The following EML1 variants were observed in gnomAD, a reference collection of about 807,000 sequenced individuals.
EML1 encodes the protein EMAP like 1.
A neutral mutation model predicts 110.4 loss-of-function variants in EML1; 27 were observed. That is an observed-to-expected ratio of 0.24 (90% CI 0.18 to 0.34). The LOEUF is 0.34. EML1 is among the 10% of genes least tolerant of loss of function. The pLI is 1.00. For missense variants in EML1, 741 were observed against 1,030.9 expected (o/e 0.72, Z 3.85); for synonymous variants, 344 against 385.8 (o/e 0.89, Z 1.27).
At chr14:99,816,392 A>G (rs573807472) in intron 1 of EML1, among the ~76,000 whole-genome samples, 1 of 152,320 alleles carries the variant, frequency 6.6e-6, no homozygotes, top group East Asian at 1.9e-4. Flanking sequence ...TGATCTCCTA[A>G]CCTCAGGTGA....
In EML1 at chr14:99,940,399, T is replaced by G; in HGVS notation, c.*287T>G. 4.1e-6 allele frequency: 1 copy of G among 241,282 alleles called. No individual in the cohort carries two copies. The highest frequency in any genetic ancestry group is 7.8e-6 in the Non-Finnish European group (1 of 127,416). The allele number at this position is 241,282 out of a possible 1,614,324, so 14.9% of individuals were successfully genotyped here. A position where few individuals can be genotyped will look rare whatever the true frequency, so the allele number is the denominator to read the frequency against. Reference sequence around the variant, plus strand: ...ACAGAAGTAACTGGTATATTCTTAGTAACTTTTCTATGAACTCTTCAAAAA... The same window carrying G: ...ACAGAAGTAACTGGTATATTCTTAGGAACTTTTCTATGAACTCTTCAAAAA... On this transcript the variant is annotated 3_prime_UTR_variant, in exon 22 of 22. Coordinates refer to ENST00000262233, the MANE Select transcript of EML1 (RefSeq NM_004434.3).
At chr14:99,838,560 A>G (rs2058576237) in intron 1 of EML1, among the ~76,000 whole-genome samples, 1 of 151,344 alleles carries the variant, frequency 6.6e-6, no homozygotes, top group Non-Finnish European at 1.5e-5. Flanking sequence ...CATAATTTTA[A>G]TCTTTCCTTT....
intron 1 of EML1, among the ~76,000 whole-genome samples, chr14:99,799,983 C>A (rs2057845369): frequency 6.6e-6 from 1 of 152,286 alleles, no homozygotes; most frequent in Non-Finnish European, 1.5e-5. Flanking sequence ...ACAAAAATTT[C>A]TTTCAGGAAC....
intron 17 of EML1, among the ~76,000 whole-genome samples, chr14:99,932,396 G>C (rs923087014): frequency 2.6e-5 from 4 of 152,116 alleles, no homozygotes; most frequent in African/African-American, 9.7e-5. Flanking sequence ...CCAGCACTTT[G>C]GGAGGCCGAG....
intron 1 of EML1, among the ~76,000 whole-genome samples, chr14:99,830,890 C>T (rs190589757): frequency 3.3e-5 from 5 of 152,222 alleles, no homozygotes; most frequent in African/African-American, 4.8e-5. Context: ...ATCAGACTGC[C>T]GATAATGTAG....
intron 17 of EML1, among the ~76,000 whole-genome samples, chr14:99,935,458 C>G (rs1239662793): frequency 6.6e-6 from 1 of 150,968 alleles, no homozygotes; most frequent in Admixed American, 6.6e-5. Context: ...AAGCAAAACC[C>G]TGTCTCAAAA....
intron 1 of EML1, among the ~76,000 whole-genome samples, chr14:99,760,727 T>C (rs1040168077): frequency 6.6e-6 from 1 of 152,004 alleles, no homozygotes; most frequent in Admixed American, 6.6e-5. Flanking sequence ...TTAATCTCAG[T>C]CTCGTCAAGT....
At chr14:99,887,759 G>A (rs148847066) in intron 4 of EML1, among the ~76,000 whole-genome samples, 48 of 152,346 alleles carry the variant, frequency 3.2e-4, no homozygotes, top group African/African-American at 1.1e-3. Context: ...TTGAGTGGCT[G>A]TGCGTTCTGG....
At chr14:99,775,792 A>G (rs2057475540) in intron 1 of EML1, among the ~76,000 whole-genome samples, 1 of 152,218 alleles carries the variant, frequency 6.6e-6, no homozygotes, top group Non-Finnish European at 1.5e-5. Context: ...CATATAACTT[A>G]TTAGCCTCTC....
At chr14:99,867,343 G>GT (rs1240053627) in intron 3 of EML1, among the ~76,000 whole-genome samples, 1 of 152,018 alleles carries the variant, frequency 6.6e-6, no homozygotes, top group Non-Finnish European at 1.5e-5. Context: ...TTTTAGGATA[G>GT]TTTTTTTCTA....
chr14:99,935,922 A>C, intron 17 of EML1, 107 bp from the exon 18 acceptor site: 1 of 1,011,886 alleles, frequency 9.9e-7, no homozygotes, highest in Non-Finnish European at 1.5e-6. Flanking sequence ...ATAATTCATT[A>C]ATCTGGTGAT....
At position 99,755,989 on chromosome 14, in the gene EML1, G is replaced by A. The variant is rs557284652; in HGVS notation, c.28+18129G>A. Among the ~76,000 whole-genome samples, 6 of 152,352 alleles carry A rather than the reference G, an allele frequency of 3.9e-5. No homozygotes were observed. The South Asian group carries it at 1.2e-3, about 32-fold the overall frequency. On this transcript the variant is annotated intron_variant, in intron 1 of 10. Coordinates refer to the EML1 transcript ENST00000554479. ...GGGTCCCCTGCCGGCAAGTGGCAGAGTGTAGCTCCCATGGCCACACGTGTG... is the reference window on the plus strand; with the variant it reads ...GGGTCCCCTGCCGGCAAGTGGCAGAATGTAGCTCCCATGGCCACACGTGTG...
intron 1 of EML1, among the ~76,000 whole-genome samples, chr14:99,807,308 T>C (rs1295589279): frequency 6.6e-6 from 1 of 152,236 alleles, no homozygotes; most frequent in Non-Finnish European, 1.5e-5. Flanking sequence ...AATGACTGTG[T>C]GAACTTGGAT....
At chr14:99,828,469 T>C (rs961102506) in intron 1 of EML1, among the ~76,000 whole-genome samples, 1 of 152,204 alleles carries the variant, frequency 6.6e-6, no homozygotes, top group African/African-American at 2.4e-5. Flanking sequence ...AGTAGTGGCC[T>C]CAAAGCTCAA....
chr14:99,771,549 C>T (rs567828962), upstream of EML1, among the ~76,000 whole-genome samples: 4 of 152,332 alleles, frequency 2.6e-5, no homozygotes, highest in South Asian at 2.1e-4. Flanking sequence ...CCATGGCTCA[C>T]GCCTATATTC....
intron 1 of EML1, among the ~76,000 whole-genome samples, chr14:99,816,435 T>C (rs2058169097): frequency 6.6e-6 from 1 of 152,260 alleles, no homozygotes; most frequent in African/African-American, 2.4e-5. Flanking sequence ...AGTTATGGGA[T>C]TATAGGCGTG....
At chr14:99,818,793 G>A (rs1187267257) in intron 1 of EML1, among the ~76,000 whole-genome samples, 1 of 152,132 alleles carries the variant, frequency 6.6e-6, no homozygotes, top group East Asian at 1.9e-4. Flanking sequence ...CAGGAGAGAA[G>A]TCAAAGCAAG....
chr14:99,939,438 A>T lies in EML1; in HGVS notation c.2322+111A>T. ...CTGTGAGCGACTGCTGCCAGCCACA[A>T]AGGCAGATGTGACTCTGTTCTTTGC... On this transcript the variant is annotated intron_variant, in intron 21 of 21. Coordinates refer to ENST00000262233, the MANE Select transcript of EML1 (RefSeq NM_004434.3). The surrounding 1 kb of genome is among the most constrained non-coding windows in gnomAD (Gnocchi z 4.2). The T allele has an allele frequency of 6.6e-7, 1 of 1,507,422 alleles. No individual in the cohort carries two copies. Among genetic ancestry groups the T allele is most frequent in the South Asian group, 1.3e-5 (1 of 78,322 alleles). The allele number at this position is 1,507,422 out of a possible 1,614,324, so 93.4% of individuals were successfully genotyped here.
rs750501078 is a variant in EML1, at chr14:99,936,196, G to A, written c.2008-51G>A. The A allele has an allele frequency of 6.2e-7, 1 of 1,612,444 alleles. No homozygotes were observed. The highest frequency in any genetic ancestry group is 1.1e-5 in the South Asian group (1 of 91,046). On this transcript the variant is annotated intron_variant, in intron 18 of 21. Coordinates refer to ENST00000262233, the MANE Select transcript of EML1 (RefSeq NM_004434.3). This position sits in a 1 kb window ranked among gnomAD's most constrained non-coding sequence, Gnocchi z 5.5. Reference sequence around the variant, plus strand: ...AGTTTAACTACCGTGGAACAGTGTTGGCAGGGACTTCTAAGGCCAATGAAA... The same window carrying A: ...AGTTTAACTACCGTGGAACAGTGTTAGCAGGGACTTCTAAGGCCAATGAAA...
Sources: gnomAD v4.1 joint callset for allele counts (sites outside exome capture counted in the v4.1 genomes callset) on GRCh38, gnomAD v4.1.1 for gene constraint, Gnocchi (gnomAD v3.1) non-coding constraint, MANE v1.5 for transcripts, NCBI Gene and HGNC (gene_info 2026-07-23, HGNC 2026-07-21) for gene names.